The following PRKG2 variants were observed in gnomAD, a reference collection of about 807,000 sequenced individuals.
PRKG2 encodes protein kinase cGMP-dependent 2, also known as cGMP-dependent protein kinase 2.
A neutral mutation model predicts 97.2 loss-of-function variants in PRKG2; 33 were observed. That is an observed-to-expected ratio of 0.34 (90% confidence interval 0.26 to 0.45). PRKG2 has a LOEUF of 0.45. Ranked by LOEUF, PRKG2 falls within the 20% of genes least tolerant of loss-of-function variation. The pLI, the probability that PRKG2 is intolerant of heterozygous loss-of-function variation, is 1.00. For synonymous variants in PRKG2, 330 were observed against 321.8 expected (o/e 1.03, Z -0.27); for missense variants, 638 against 900.0 (o/e 0.71, Z 3.73).
At chr4:81,144,489 G>T (rs939256135) in intron 9 of PRKG2, among the ~76,000 whole-genome samples, 159 bp from the exon 10 acceptor site, 2 of 151,428 alleles carry the variant, frequency 1.3e-5, no homozygotes, top group African/African-American at 4.9e-5. Context: ...TATGTACAAG[G>T]GTTATTAAAA....
chr4:81,091,335 T>G (rs568202902), intron 18 of PRKG2, among the ~76,000 whole-genome samples: 1 of 152,234 alleles, frequency 6.6e-6, no homozygotes, highest in South Asian at 2.1e-4. Context: ...CAGGCTGGAG[T>G]GCAGTGGCGT....
chr4:81,195,023 C>T (rs1752868891), intron 2 of PRKG2, among the ~76,000 whole-genome samples: 1 of 152,084 alleles, frequency 6.6e-6, no homozygotes, highest in African/African-American at 2.4e-5. Context: ...ATCAGTACTT[C>T]TTATTACAGG....
At chr4:81,199,727 G>A (rs888429742) in intron 2 of PRKG2, among the ~76,000 whole-genome samples, 1 of 152,170 alleles carries the variant, frequency 6.6e-6, no homozygotes, top group Non-Finnish European at 1.5e-5. Context: ...GTTCTGTAGT[G>A]CACATCCTCA....
chr4:81,171,355 ATGGCTGTG>A (rs1750460652), intron 4 of PRKG2, among the ~76,000 whole-genome samples: 1 of 152,054 alleles, frequency 6.6e-6, no homozygotes, highest in Non-Finnish European at 1.5e-5. Context: ...GTTCCTTTTT[ATGGCTGTG>A]TAGCATTCCA....
At chr4:81,205,189 A>C in intron 1 of PRKG2, 129 bp from the exon 2 acceptor site, 1 of 610,734 alleles carries the variant, frequency 1.6e-6, no homozygotes, top group Non-Finnish European at 2.6e-6. Context: ...AAAGCAATAA[A>C]CTTCCCGAAG....
intron 12 of PRKG2, among the ~76,000 whole-genome samples, 170 bp downstream of exon 12, chr4:81,140,363 G>A (rs1271979989): frequency 1.3e-5 from 2 of 152,110 alleles, no homozygotes; most frequent in African/African-American, 2.4e-5. Flanking sequence ...CATTTTCCAT[G>A]CTGTAATTAT....
At chr4:81,146,627 G>C (rs1481023104) in intron 9 of PRKG2, among the ~76,000 whole-genome samples, 1 of 152,120 alleles carries the variant, frequency 6.6e-6, no homozygotes, top group South Asian at 2.1e-4. Flanking sequence ...TGCAAGGATG[G>C]TGCCCTGTAT....
chr4:81,143,725 AAT>A (rs1219744286), intron 10 of PRKG2, among the ~76,000 whole-genome samples: 1 of 152,212 alleles, frequency 6.6e-6, no homozygotes, highest in Non-Finnish European at 1.5e-5. Context: ...ACTCTAAAAA[AAT>A]GTTTCAGCAA....
chr4:81,147,675 G>A (rs1747990103), intron 9 of PRKG2, among the ~76,000 whole-genome samples: 2 of 152,140 alleles, frequency 1.3e-5, no homozygotes, highest in South Asian at 4.1e-4. Context: ...GAGTTAGAAA[G>A]CCTGGACAGG....
Position 81,140,655 on chromosome 4 carries a change from A to AT in PRKG2, c.1421dup (p.Asn474LysfsTer2). 6.2e-7 allele frequency: 1 copy of AT among 1,607,826 alleles called. No individual in the cohort carries two copies. Among genetic ancestry groups the AT allele is most frequent in the Non-Finnish European group, 8.5e-7 (1 of 1,175,136 alleles). Reference sequence around the variant, plus strand: ...ACTTCATAGCAAAAGCAACATTCTCATTTTTTACTTTAACCTATGTAAGAA... The same window carrying AT: ...ACTTCATAGCAAAAGCAACATTCTCATTTTTTTACTTTAACCTATGTAAGAA... On this transcript the variant is annotated frameshift_variant, in exon 12 of 19. Coordinates refer to ENST00000264399, the MANE Select transcript of PRKG2 (RefSeq NM_006259.3). LOFTEE classifies it high-confidence loss of function.
Position 81,151,969 on chromosome 4 carries a change from G to A in PRKG2, c.1076C>T (p.Ala359Val), listed in dbSNP as rs1432017643. ...LQKGEYFGEK[A>V]LISDDVRSAN... ...TAATTCATGAATTCACCTGATAAGA[G>A]CTTTTTCTCCAAAGTATTCTCCTTT... is the stretch of plus-strand genomic sequence containing the variant. Residue 359 changes from alanine to valine, a missense_variant, in exon 8 of 19, where the codon GCT becomes GTT. This residue lies in a region of PRKG2 where 332 missense variants were observed against 421.7 expected (regional missense o/e 0.79). Coordinates refer to ENST00000264399, the MANE Select transcript of PRKG2 (RefSeq NM_006259.3). 1 of 1,608,560 alleles carries A rather than the reference G, an allele frequency of 6.2e-7. No individual in the cohort carries two copies. The highest frequency in any genetic ancestry group is 2.2e-5 in the East Asian group (1 of 44,746).
chr4:81,104,277 G>A, intron 17 of PRKG2, 93 bp downstream of exon 17: 1 of 805,072 alleles, frequency 1.2e-6, no homozygotes, highest in Non-Finnish European at 1.8e-6. Flanking sequence ...AGTCTGGAAA[G>A]GGACCTTTGT....
intron 4 of PRKG2, 58 bp downstream of exon 4, chr4:81,171,633 T>C (rs895591178): frequency 7.4e-7 from 1 of 1,343,258 alleles, no homozygotes; most frequent in African/African-American, 1.5e-5. Context: ...GTGACTGGAC[T>C]AGATTATCTT....
intron 17 of PRKG2, among the ~76,000 whole-genome samples, chr4:81,096,455 G>A (rs1005868281): frequency 1.3e-5 from 2 of 152,128 alleles, no homozygotes; most frequent in Non-Finnish European, 2.9e-5. Context: ...AAGATCACTT[G>A]AGCCCAGGAA....
rs58361616 is a variant in PRKG2 at position 81,116,985 on chromosome 4, C to CTTTTTTTTTTTTT, written c.1777-6387_1777-6375dup. ...AGGTTATCTATTTACCCTGTTGTTA[C>CTTTTTTTTTTTTT]TTTTTTTTTTTTTTTTTTTTTTTTT... is the stretch of plus-strand genomic sequence containing the variant. On this transcript the variant is annotated intron_variant, in intron 14 of 18. Transcript: ENST00000264399. Among the ~76,000 whole-genome samples, 28 of 78,990 alleles carry CTTTTTTTTTTTTT rather than the reference C, an allele frequency of 3.5e-4. 2 individuals are homozygous for CTTTTTTTTTTTTT. The highest frequency in any genetic ancestry group is 8.1e-4 in the African/African-American group (14 of 17,262). 51.8% of individuals were successfully genotyped at this position (78,990 alleles called of 152,430 possible).
chr4:81,215,346 G>A (rs788862), upstream of PRKG2, among the ~76,000 whole-genome samples: 1 of 152,088 alleles, frequency 6.6e-6, no homozygotes, highest in Non-Finnish European at 1.5e-5. Context: ...GCGCCCGCAC[G>A]CACACTAGCC....
upstream of PRKG2, among the ~76,000 whole-genome samples, chr4:81,216,124 C>G (rs1754264643): frequency 1.3e-5 from 2 of 152,046 alleles, no homozygotes; most frequent in African/African-American, 4.8e-5. Context: ...ACAACCAACT[C>G]TCTTGGGTTT....
chr4:81,178,719 C>T (rs1210497585), intron 2 of PRKG2, among the ~76,000 whole-genome samples: 1 of 151,130 alleles, frequency 6.6e-6, no homozygotes, highest in Non-Finnish European at 1.5e-5. Context: ...AAAATCAAAA[C>T]ATAAGAGATA....
chr4:81,089,911 C>T (rs1741382228), intron 18 of PRKG2, 108 bp from the exon 19 acceptor site: 7 of 874,892 alleles, frequency 8.0e-6, no homozygotes, highest in Non-Finnish European at 1.2e-5. Context: ...ACTGCAGCCA[C>T]TTGGAAGTTA....
Sources: gnomAD v4.1 joint callset for allele counts (sites outside exome capture counted in the v4.1 genomes callset) on GRCh38, gnomAD v4.1.1 for gene constraint, gnomAD v4.1.1 regional missense constraint, MANE v1.5 for transcripts, NCBI Gene and HGNC (gene_info 2026-07-23, HGNC 2026-07-21) for gene names.